The following RIT2 variants were observed in gnomAD, a reference collection of about 807,000 sequenced individuals.
RIT2 encodes Ras like without CAAX 2, also known as GTP-binding protein Rit2.
Under a neutral mutation model 23.7 loss-of-function variants are expected in RIT2, and 24 were observed. The ratio of observed to expected loss-of-function variants is 1.01; its 90% confidence interval spans 0.73 to 1.43. The LOEUF is 1.43. Among genes scored for constraint, RIT2 ranks in the 40% most tolerant of loss-of-function variants. The pLI, the probability that RIT2 is intolerant of heterozygous loss-of-function variation, is 0.00. For synonymous variants in RIT2, 107 were observed against 91.1 expected (o/e 1.17, Z -0.99); for missense variants, 236 against 266.9 (o/e 0.88, Z 0.81).
In RIT2 at chr18:42,744,292, C is replaced by T. The variant is rs192747975; in HGVS notation, c.427-572G>A. ...CTGTTTGGTGGTCTCTTCACATGGA[C>T]GCACATGAAACTGTGGACCTCAGTC... is the stretch of plus-strand genomic sequence containing the variant. On this transcript the variant is annotated intron_variant, in intron 4 of 4. Coordinates refer to ENST00000326695, the MANE Select transcript of RIT2 (RefSeq NM_002930.4). 6.6e-5 allele frequency among the ~76,000 whole-genome samples: 10 copies of T among 152,178 alleles called. No individual in the cohort carries two copies. In the South Asian group the frequency reaches 8.3e-4, roughly 13 times the overall value.
At chr18:42,857,815 A>G (rs1258011054) in intron 4 of RIT2, among the ~76,000 whole-genome samples, 1 of 152,188 alleles carries the variant, frequency 6.6e-6, no homozygotes, top group Non-Finnish European at 1.5e-5. Context: ...ATTACATGGT[A>G]TTTGGTAATG....
At chr18:42,758,014 T>C (rs1913204871) in intron 4 of RIT2, among the ~76,000 whole-genome samples, 1 of 151,860 alleles carries the variant, frequency 6.6e-6, no homozygotes, top group Non-Finnish European at 1.5e-5. Flanking sequence ...TTTTTTTTAA[T>C]CTATTTCAAT....
chr18:42,752,862 T>C (rs558423263), intron 4 of RIT2, among the ~76,000 whole-genome samples: 3 of 152,286 alleles, frequency 2.0e-5, no homozygotes, highest in Non-Finnish European at 4.4e-5. Context: ...GAAGGAACGT[T>C]TTTGATTTAA....
intron 3 of RIT2, 75 bp from the exon 4 acceptor site, chr18:42,923,838 T>C (rs1218670318): frequency 8.6e-7 from 1 of 1,163,518 alleles, no homozygotes. Flanking sequence ...AATGTAATCA[T>C]TATGAAATTT....
chr18:43,019,161 G>GTAAA (rs1911539691), intron 2 of RIT2, among the ~76,000 whole-genome samples: 1 of 151,370 alleles, frequency 6.6e-6, no homozygotes. Flanking sequence ...TACTTCACTA[G>GTAAA]TAAATACACA....
chr18:42,763,296 A>G (rs1383393739), intron 4 of RIT2, among the ~76,000 whole-genome samples: 4 of 152,110 alleles, frequency 2.6e-5, no homozygotes, highest in African/African-American at 9.7e-5. Context: ...CCCCGTCTCT[A>G]TTAAAAATAC....
At chr18:42,863,735 G>C (rs928363155) in intron 4 of RIT2, among the ~76,000 whole-genome samples, 2 of 152,088 alleles carry the variant, frequency 1.3e-5, no homozygotes, top group African/African-American at 2.4e-5. Context: ...CTAGTGCCAG[G>C]TGAAGTATTT....
chr18:42,974,048 T>C, intron 3 of RIT2, 26 bp downstream of exon 3: 1 of 1,516,036 alleles, frequency 6.6e-7, no homozygotes. Context: ...ACTCAGAGAT[T>C]GGAGAGGTTT....
At chr18:43,051,427 GGGATGGTGACCTTTGCTAAGGGAACATA>G (rs533733142) in intron 1 of RIT2, among the ~76,000 whole-genome samples, 325 of 152,148 alleles carry the variant, frequency 2.1e-3, no homozygotes, top group Non-Finnish European at 3.7e-3. Flanking sequence ...CTGGGTGGAT[GGGATGGTGACCTTTGCTAAGGGAACATA>G]GGAATAGTAA....
chr18:43,070,839 A>G lies in RIT2; in HGVS notation c.104-36972T>C, dbSNP rs1015525793. On this transcript the variant is annotated intron_variant, in intron 1 of 4. Transcript: ENST00000326695. ...TCTGCCCATAGATTCAGGTATTGCT[A>G]TAACAGTCCACATGCTTTCTGCAAT... 7.9e-5 allele frequency among the ~76,000 whole-genome samples: 12 copies of G among 152,340 alleles called. No individual in the cohort carries two copies. In the East Asian group the frequency reaches 2.3e-3, roughly 29 times the overall value.
At chr18:43,103,258 G>T (rs1913731209) in intron 1 of RIT2, among the ~76,000 whole-genome samples, 1 of 151,966 alleles carries the variant, frequency 6.6e-6, no homozygotes, top group Non-Finnish European at 1.5e-5. Context: ...CATATGCCCG[G>T]TGTCTTACTT....
At chr18:42,743,833 G>C (rs1000127986) in intron 4 of RIT2, 113 bp from the exon 5 acceptor site, 7 of 737,010 alleles carry the variant, frequency 9.5e-6, no homozygotes, top group Admixed American at 5.7e-5. Context: ...CCAAGCCATC[G>C]TATCCCCTGT....
intron 1 of RIT2, among the ~76,000 whole-genome samples, chr18:43,092,103 TA>T (rs1400373396): frequency 2.0e-5 from 3 of 152,086 alleles, no homozygotes; most frequent in Non-Finnish European, 4.4e-5. Context: ...AAAATAGTCC[TA>T]CTTTCCAACA....
intron 3 of RIT2, among the ~76,000 whole-genome samples, chr18:42,962,700 A>T (rs1257517770): frequency 6.6e-6 from 1 of 152,192 alleles, no homozygotes; most frequent in Non-Finnish European, 1.5e-5. Flanking sequence ...TTATTAGCTT[A>T]GTGGAGGGAC....
intron 4 of RIT2, among the ~76,000 whole-genome samples, chr18:42,868,006 A>G (rs755171374): frequency 1.3e-5 from 2 of 152,194 alleles, no homozygotes; most frequent in Non-Finnish European, 2.9e-5. Context: ...TACTTCAAGG[A>G]GTATTTTCCA....
At chr18:42,812,313 C>A (rs562293319) in intron 4 of RIT2, among the ~76,000 whole-genome samples, 20 of 152,254 alleles carry the variant, frequency 1.3e-4, no homozygotes, top group South Asian at 8.3e-4. Context: ...CTTCCCTCAG[C>A]TTGTGTCTCT....
At chr18:43,047,273 C>T (rs1312020339) in intron 1 of RIT2, among the ~76,000 whole-genome samples, 2 of 151,986 alleles carry the variant, frequency 1.3e-5, no homozygotes, top group African/African-American at 2.4e-5. Context: ...TTGCCATATC[C>T]AACTATTTCT....
intron 4 of RIT2, among the ~76,000 whole-genome samples, chr18:42,822,362 C>T (rs1359999601): frequency 1.3e-5 from 2 of 151,764 alleles, no homozygotes; most frequent in Admixed American, 1.3e-4. Context: ...AAATTTAGAC[C>T]CTGAAGTTAT....
chr18:43,066,672 A>T (rs1912777514), intron 1 of RIT2, among the ~76,000 whole-genome samples: 1 of 152,070 alleles, frequency 6.6e-6, no homozygotes, highest in Non-Finnish European at 1.5e-5. Context: ...ATGGAGATTC[A>T]ATGGTAGAGA....
Sources: gnomAD v4.1 joint callset for allele counts (sites outside exome capture counted in the v4.1 genomes callset) on GRCh38, gnomAD v4.1.1 for gene constraint, MANE v1.5 for transcripts, NCBI Gene and HGNC (gene_info 2026-07-23, HGNC 2026-07-21) for gene names.